STAC: variants seen among roughly 807,000 people sequenced by gnomAD.
STAC encodes the protein SH3 and cysteine-rich domain-containing protein.
STAC carries 43 observed loss-of-function variants against 48.8 expected under a neutral mutation model. That is an observed-to-expected ratio of 0.88 (90% CI 0.69 to 1.14). The LOEUF is 1.14. STAC is among the 50% of genes most tolerant of loss of function. The pLI, the probability that STAC is intolerant of heterozygous loss-of-function variation, is 0.00. For synonymous variants in STAC, 193 were observed against 179.5 expected (o/e 1.07, Z -0.60); for missense variants, 497 against 504.0 (o/e 0.99, Z 0.13).
chr3:36,501,412 C>A (rs749348070), intron 6 of STAC, among the ~76,000 whole-genome samples: 6 of 151,812 alleles, frequency 4.0e-5, no homozygotes, highest in Non-Finnish European at 8.8e-5. Context: ...AAATTACAAT[C>A]TCTAATGATT....
At chr3:36,418,206 C>A (rs980028210) in intron 1 of STAC, among the ~76,000 whole-genome samples, 1 of 151,888 alleles carries the variant, frequency 6.6e-6, no homozygotes, top group Non-Finnish European at 1.5e-5. Flanking sequence ...TTTTTAGTTG[C>A]TTCTTGCTTC....
intron 1 of STAC, among the ~76,000 whole-genome samples, chr3:36,432,717 A>C (rs969901570): frequency 4.0e-5 from 6 of 151,858 alleles, no homozygotes; most frequent in Non-Finnish European, 5.9e-5. Flanking sequence ...AAAAAAAAAA[A>C]CTGTCGCTTT....
At chr3:36,421,973 G>C (rs974670746) in intron 1 of STAC, among the ~76,000 whole-genome samples, 6 of 152,050 alleles carry the variant, frequency 3.9e-5, no homozygotes, top group African/African-American at 1.4e-4. Context: ...AAAAAGTAGA[G>C]AGTATATAAA....
In STAC at chr3:36,492,045, T is replaced by A. The variant is rs1217414186; in HGVS notation, c.688-1106T>A. On this transcript the variant is annotated intron_variant, in intron 5 of 10. Coordinates refer to ENST00000273183, the MANE Select transcript of STAC (RefSeq NM_003149.3). ...AAAAAAAAAAAAATATATATATATATATATATATATATATATATATATGTG... is the reference window on the plus strand; with the variant it reads ...AAAAAAAAAAAAATATATATATATAAATATATATATATATATATATATGTG... 4.5e-3 allele frequency among the ~76,000 whole-genome samples: 279 copies of A among 62,110 alleles called. 1 individual carries two copies. The highest frequency in any genetic ancestry group is 5.6e-3 in the African/African-American group (91 of 16,260). The allele number at this position is 62,110 out of a possible 152,430, so 40.7% of individuals were successfully genotyped here.
At chr3:36,407,314 C>T (rs1430330548) in intron 1 of STAC, among the ~76,000 whole-genome samples, 5 of 152,192 alleles carry the variant, frequency 3.3e-5, no homozygotes, top group Non-Finnish European at 5.9e-5. Context: ...GCCAGAAACA[C>T]AAGGCCTTTC....
chr3:36,508,963 T>A (rs1002742897), intron 8 of STAC, among the ~76,000 whole-genome samples: 8 of 152,218 alleles, frequency 5.3e-5, no homozygotes, highest in African/African-American at 1.7e-4. Context: ...GTCATTATGA[T>A]GCTAGCTGGT....
intron 2 of STAC, among the ~76,000 whole-genome samples, chr3:36,451,465 T>A (rs1696678024): frequency 6.8e-6 from 1 of 146,096 alleles, no homozygotes; most frequent in Non-Finnish European, 1.5e-5. Context: ...TAATTCATAC[T>A]TTTGATTGAG....
chr3:36,381,152 A>G (rs1699502612), intron 1 of STAC, among the ~76,000 whole-genome samples: 1 of 152,170 alleles, frequency 6.6e-6, no homozygotes, highest in Non-Finnish European at 1.5e-5. Context: ...ACTGGGCCAG[A>G]AAAGCATGTA....
At chr3:36,502,583 T>C (rs894066511) in intron 6 of STAC, among the ~76,000 whole-genome samples, 1 of 152,226 alleles carries the variant, frequency 6.6e-6, no homozygotes, top group African/African-American at 2.4e-5. Context: ...GAACATTGTA[T>C]ATGCACTTTA....
At chr3:36,397,792 G>A (rs1699884079) in intron 1 of STAC, among the ~76,000 whole-genome samples, 1 of 152,018 alleles carries the variant, frequency 6.6e-6, no homozygotes, top group Non-Finnish European at 1.5e-5. Context: ...GAGCTTGTCT[G>A]AAAAAGCAAT....
At chr3:36,458,296 C>A (rs527376852) in intron 2 of STAC, among the ~76,000 whole-genome samples, 1 of 152,224 alleles carries the variant, frequency 6.6e-6, no homozygotes, top group South Asian at 2.1e-4. Context: ...AAATATGCTC[C>A]CTTTCTTCCC....
intron 8 of STAC, among the ~76,000 whole-genome samples, chr3:36,521,694 A>C (rs1698810996): frequency 1.3e-5 from 2 of 152,318 alleles, no homozygotes; most frequent in African/African-American, 4.8e-5. Context: ...ATAAACGTAA[A>C]AGGCAATGAT....
At chr3:36,436,275 C>G (rs753778597) in intron 1 of STAC, among the ~76,000 whole-genome samples, 1 of 152,198 alleles carries the variant, frequency 6.6e-6, no homozygotes, top group African/African-American at 2.4e-5. Context: ...TCTCCTCTCC[C>G]AACTTGTCTC....
intron 8 of STAC, among the ~76,000 whole-genome samples, chr3:36,522,399 T>C (rs1355828954): frequency 1.3e-5 from 2 of 152,218 alleles, no homozygotes; most frequent in Non-Finnish European, 2.9e-5. Flanking sequence ...CTTATCTAAA[T>C]ATGCATTACA....
chr3:36,500,729 G>T (rs1246308566), intron 6 of STAC, among the ~76,000 whole-genome samples: 2 of 152,092 alleles, frequency 1.3e-5, no homozygotes, highest in African/African-American at 4.8e-5. Context: ...GTGCAAATTA[G>T]ATAGAAATCA....
At chr3:36,414,471 T>C (rs951856537) in intron 1 of STAC, among the ~76,000 whole-genome samples, 16 of 152,258 alleles carry the variant, frequency 1.1e-4, no homozygotes, top group Non-Finnish European at 2.2e-4. Context: ...TCGAATGGGC[T>C]ACTGAAGCTT....
chr3:36,428,164 C>A (rs1389150922), intron 1 of STAC, among the ~76,000 whole-genome samples: 1 of 152,104 alleles, frequency 6.6e-6, no homozygotes, highest in Non-Finnish European at 1.5e-5. Context: ...AATTGAGGCC[C>A]CCTAGAGCTC....
At chr3:36,387,725 C>T (rs192665334) in intron 1 of STAC, among the ~76,000 whole-genome samples, 51 of 152,060 alleles carry the variant, frequency 3.4e-4, no homozygotes, top group Admixed American at 1.8e-3. Context: ...TTTTGTTTAT[C>T]CATTAATGCA....
At chr3:36,462,854 A>G (rs1023574124) in intron 2 of STAC, among the ~76,000 whole-genome samples, 1 of 152,148 alleles carries the variant, frequency 6.6e-6, no homozygotes, top group Non-Finnish European at 1.5e-5. Context: ...TGTATTCCTT[A>G]TTATAATAGG....
Sources: allele counts gnomAD v4.1 joint callset (sites outside exome capture counted in the v4.1 genomes callset), GRCh38; gene constraint gnomAD v4.1.1; transcripts MANE v1.5; gene names NCBI Gene and HGNC (gene_info 2026-07-23, HGNC 2026-07-21).